Variants in ATP9B observed in about 807,000 individuals in gnomAD.
ATP9B encodes the protein ATPase phospholipid transporting 9B, also known as probable phospholipid-transporting ATPase IIB.
Under a neutral mutation model 146.1 loss-of-function variants are expected in ATP9B, and 110 were observed. That is an observed-to-expected ratio of 0.75 (90% CI 0.65 to 0.88). ATP9B has a LOEUF of 0.88. Ranked by LOEUF, ATP9B falls within the 40% of genes least tolerant of loss-of-function variation. ATP9B has a pLI of 0.00. For missense variants in ATP9B, 1,499 were observed against 1,496.4 expected (o/e 1.00, Z -0.03); for synonymous variants, 604 against 569.7 (o/e 1.06, Z -0.86).
At position 79,096,717 on chromosome 18, in the gene ATP9B, A is replaced by G. The variant is rs915872738; in HGVS notation, c.293+68A>G. 4.2e-6 allele frequency: 5 copies of G among 1,200,418 alleles called. No homozygotes were observed. In the African/African-American group the frequency reaches 8.0e-5, roughly 19 times the overall value. The allele number at this position is 1,200,418 out of a possible 1,614,324, so 74.4% of individuals were successfully genotyped here. On this transcript the variant is annotated intron_variant, in intron 2 of 29. Coordinates refer to ENST00000426216, the MANE Select transcript of ATP9B (RefSeq NM_198531.5). ...TACTTATAAGGTTAGCTTCTAATAT[A>G]CTTATTAGCTATATTAATATAAAAA...
At chr18:79,202,163 G>C (rs115571924) in intron 9 of ATP9B, among the ~76,000 whole-genome samples, 1 of 152,190 alleles carries the variant, frequency 6.6e-6, no homozygotes, top group African/African-American at 2.4e-5. Context: ...GAGATGTGGC[G>C]CTGTGATGGT....
intron 9 of ATP9B, 124 bp downstream of exon 9, chr18:79,193,387 CCT>C: frequency 1.3e-6 from 1 of 790,416 alleles, no homozygotes; most frequent in South Asian, 1.8e-5. Context: ...GAAGGGAAAA[CCT>C]ATATAATGTT....
chr18:79,108,604 G>A (rs1424380168), intron 2 of ATP9B, among the ~76,000 whole-genome samples: 1 of 152,160 alleles, frequency 6.6e-6, no homozygotes, highest in Admixed American at 6.5e-5. Context: ...ATAAGGGTGG[G>A]GGGAGCTGGC....
At chr18:79,350,508 G>A (rs549231104) in intron 25 of ATP9B, among the ~76,000 whole-genome samples, 9 of 152,308 alleles carry the variant, frequency 5.9e-5, no homozygotes, top group South Asian at 2.1e-4. Context: ...AGCACTGTGC[G>A]TCCATGGTGT....
chr18:79,082,127 T>C (rs1430333622), intron 1 of ATP9B, among the ~76,000 whole-genome samples: 5 of 152,216 alleles, frequency 3.3e-5, no homozygotes, highest in African/African-American at 1.2e-4. Flanking sequence ...TTTTCTCTAA[T>C]CTTGTCTTCA....
intron 11 of ATP9B, among the ~76,000 whole-genome samples, chr18:79,225,185 T>C (rs1325836781): frequency 6.6e-6 from 1 of 152,258 alleles, no homozygotes; most frequent in Non-Finnish European, 1.5e-5. Flanking sequence ...ATACAGCTGA[T>C]GGGATATTCT....
chr18:79,193,776 C>T (rs775736785), intron 9 of ATP9B, among the ~76,000 whole-genome samples: 1 of 152,212 alleles, frequency 6.6e-6, no homozygotes, highest in Non-Finnish European at 1.5e-5. Flanking sequence ...TTTATTTTAA[C>T]AGCTTATAAC....
intron 19 of ATP9B, among the ~76,000 whole-genome samples, chr18:79,339,777 G>A (rs775628057): frequency 3.3e-5 from 5 of 151,980 alleles, no homozygotes; most frequent in African/African-American, 7.3e-5. Flanking sequence ...ATCTGAGATC[G>A]CAGTAGGAAG....
intron 2 of ATP9B, among the ~76,000 whole-genome samples, 154 bp downstream of exon 2, chr18:79,096,803 A>G (rs1242652518): frequency 6.6e-6 from 1 of 152,226 alleles, no homozygotes; most frequent in Non-Finnish European, 1.5e-5. Flanking sequence ...TCAAAGCCAA[A>G]CAATGCTAAT....
At chr18:79,191,969 T>G (rs1357169047) in intron 8 of ATP9B, among the ~76,000 whole-genome samples, 7 of 152,210 alleles carry the variant, frequency 4.6e-5, no homozygotes, top group Non-Finnish European at 1.0e-4. Flanking sequence ...TGGTTCTGTT[T>G]TAACTGGTAG....
intron 11 of ATP9B, among the ~76,000 whole-genome samples, chr18:79,241,748 G>T (rs1230503191): frequency 6.6e-6 from 1 of 152,212 alleles, no homozygotes; most frequent in Non-Finnish European, 1.5e-5. Flanking sequence ...ATGGTATTCT[G>T]ATATTAGTGT....
intron 15 of ATP9B, among the ~76,000 whole-genome samples, chr18:79,325,557 A>G (rs560900393): frequency 2.0e-5 from 3 of 152,316 alleles, no homozygotes; most frequent in Admixed American, 2.0e-4. Flanking sequence ...TTAATTCCTT[A>G]ACTAGAGCCT....
intron 13 of ATP9B, among the ~76,000 whole-genome samples, chr18:79,284,308 A>G (rs2096411196): frequency 6.6e-6 from 1 of 152,136 alleles, no homozygotes. Context: ...GTTTTTACTA[A>G]TGTGTGTCCT....
intron 12 of ATP9B, among the ~76,000 whole-genome samples, chr18:79,267,258 A>G (rs11081525): frequency 0.48 from 73,027 of 151,576 alleles, 17,778 homozygotes; most frequent in Middle Eastern, 0.58. Context: ...TGTGATATGA[A>G]CCTTTTTAAT....
intron 1 of ATP9B, among the ~76,000 whole-genome samples, chr18:79,089,677 T>A (rs998235888): frequency 3.3e-5 from 5 of 152,206 alleles, no homozygotes; most frequent in Admixed American, 6.6e-5. Flanking sequence ...GCGATACATA[T>A]GATGTTTTGA....
chr18:79,205,892 T>C (rs563085347), intron 9 of ATP9B, among the ~76,000 whole-genome samples: 20 of 152,192 alleles, frequency 1.3e-4, no homozygotes, highest in Admixed American at 1.3e-3. Flanking sequence ...TAGCATCATA[T>C]AACGTACTTG....
chr18:79,225,651 G>A (rs912968640), intron 11 of ATP9B, among the ~76,000 whole-genome samples: 2 of 148,710 alleles, frequency 1.3e-5, no homozygotes, highest in South Asian at 2.2e-4. Flanking sequence ...TCCCGCAGTC[G>A]CAGGGCGGCC....
intron 11 of ATP9B, among the ~76,000 whole-genome samples, chr18:79,243,722 G>A (rs901361104): frequency 6.6e-6 from 1 of 152,198 alleles, no homozygotes; most frequent in African/African-American, 2.4e-5. Context: ...TTGTCATTTT[G>A]TGGTGGTTTC....
intron 6 of ATP9B, among the ~76,000 whole-genome samples, chr18:79,153,602 T>C (rs1288729499): frequency 6.6e-6 from 1 of 151,956 alleles, no homozygotes; most frequent in Non-Finnish European, 1.5e-5. Flanking sequence ...ATGTACAGAC[T>C]AACAGAGGCC....
Sources: allele counts gnomAD v4.1 joint callset (sites outside exome capture counted in the v4.1 genomes callset), GRCh38; gene constraint gnomAD v4.1.1; transcripts MANE v1.5; gene names NCBI Gene and HGNC (gene_info 2026-07-23, HGNC 2026-07-21).